Variants in CAMK4 observed in about 807,000 individuals in gnomAD.
CAMK4 encodes the protein calcium/calmodulin dependent protein kinase IV.
In CAMK4, 22 loss-of-function variants were observed where a neutral mutation model predicts 44.9. That is an observed-to-expected ratio of 0.49 (90% CI 0.35 to 0.70). The LOEUF (loss-of-function observed/expected upper bound fraction) is 0.70, where lower values mean the gene tolerates loss of function less well. Among genes scored for constraint, CAMK4 ranks in the 30% least tolerant of loss-of-function variants. CAMK4 has a pLI of 0.01. For missense variants in CAMK4, 498 were observed against 586.8 expected (o/e 0.85, Z 1.56); for synonymous variants, 218 against 215.4 (o/e 1.01, Z -0.11).
intron 1 of CAMK4, among the ~76,000 whole-genome samples, chr5:111,265,456 G>A (rs754693443): frequency 1.3e-5 from 2 of 152,020 alleles, no homozygotes; most frequent in African/African-American, 2.4e-5. Flanking sequence ...TAGCATATTC[G>A]CGGGTAGTCG....
At chr5:111,253,421 G>C (rs1038801824) in intron 1 of CAMK4, among the ~76,000 whole-genome samples, 5 of 152,160 alleles carry the variant, frequency 3.3e-5, no homozygotes, top group Non-Finnish European at 5.9e-5. Flanking sequence ...GGGTTGGGCT[G>C]TTCTGCTGCA....
intron 1 of CAMK4, among the ~76,000 whole-genome samples, chr5:111,262,159 G>T (rs1223100257): frequency 6.8e-6 from 1 of 146,220 alleles, no homozygotes; most frequent in Admixed American, 6.9e-5. Flanking sequence ...AAGAAAAATT[G>T]CACTAGACTA....
At chr5:111,223,692 A>G (rs985125473), upstream of CAMK4, 1 of 152,350 alleles carries the variant, frequency 6.6e-6, no homozygotes, top group Non-Finnish European at 1.5e-5. This position sits in a 1 kb window ranked among gnomAD's most constrained non-coding sequence, Gnocchi z 4.3. Flanking sequence ...TTCCAACTGA[A>G]GACTTCACTC....
At chr5:111,452,602 AATCT>A (rs759851781) in intron 7 of CAMK4, among the ~76,000 whole-genome samples, 40 of 152,296 alleles carry the variant, frequency 2.6e-4, no homozygotes, top group Non-Finnish European at 4.3e-4. Flanking sequence ...TCTATTCTTA[AATCT>A]ATCTACTTTT....
At position 111,230,777 on chromosome 5, in the gene CAMK4, G is replaced by A. The variant is rs189370114; in HGVS notation, c.161+6133G>A. ...GCCAAGTGAAGTGTTTCAACTACTA[G>A]TTATTTTTTGTTAATATTTTTTTTC... is the stretch of plus-strand genomic sequence containing the variant. On this transcript the variant is annotated intron_variant, in intron 1 of 10. Transcript: ENST00000282356. 2.0e-5 allele frequency among the ~76,000 whole-genome samples: 3 copies of A among 151,846 alleles called. No homozygotes were observed. In the East Asian group the frequency reaches 5.8e-4, roughly 29 times the overall value.
chr5:111,416,033 T>A (rs1170692131), intron 5 of CAMK4, among the ~76,000 whole-genome samples: 2 of 152,062 alleles, frequency 1.3e-5, no homozygotes, highest in Non-Finnish European at 2.9e-5. Flanking sequence ...TTGGAACCAA[T>A]CCCTCAGGGA....
intron 1 of CAMK4, among the ~76,000 whole-genome samples, chr5:111,273,686 T>TAC (rs1750618452): frequency 2.1e-5 from 1 of 48,250 alleles, no homozygotes; most frequent in Non-Finnish European, 3.6e-5. Context: ...TTTATATATA[T>TAC]ATATATATAT....
At chr5:111,396,616 C>CCATTAA (rs1257024092) in intron 5 of CAMK4, among the ~76,000 whole-genome samples, 2 of 140,112 alleles carry the variant, frequency 1.4e-5, no homozygotes, top group Middle Eastern at 3.8e-3. Flanking sequence ...ACTTTAATTG[C>CCATTAA]CATTAACTCA....
intron 1 of CAMK4, among the ~76,000 whole-genome samples, chr5:111,236,522 C>T (rs374860675): frequency 2.6e-5 from 4 of 152,254 alleles, no homozygotes; most frequent in South Asian, 4.1e-4. Context: ...GAGATTCAAG[C>T]CCTGGTTTGT....
At chr5:111,328,157 G>A (rs1366630207) in intron 1 of CAMK4, among the ~76,000 whole-genome samples, 1 of 147,810 alleles carries the variant, frequency 6.8e-6, no homozygotes, top group Non-Finnish European at 1.5e-5. Context: ...TAACATTTAA[G>A]TCTTTAATCC....
intron 5 of CAMK4, among the ~76,000 whole-genome samples, chr5:111,444,065 T>C (rs1753945115): frequency 6.6e-6 from 1 of 152,142 alleles, no homozygotes; most frequent in Admixed American, 6.6e-5. Flanking sequence ...TATCCTCCCC[T>C]CTTTTCCTTC....
intron 2 of CAMK4, among the ~76,000 whole-genome samples, chr5:111,367,518 C>T (rs59380506): frequency 0.016 from 2,461 of 151,984 alleles, 62 homozygotes; most frequent in African/African-American, 0.056. Context: ...TCTGATGGGC[C>T]ACCTTATATT....
At chr5:111,287,929 C>G (rs75358572) in intron 1 of CAMK4, among the ~76,000 whole-genome samples, 8,274 of 152,238 alleles carry the variant, frequency 0.054, 552 homozygotes, top group East Asian at 0.21. Flanking sequence ...CTCTGGCAGG[C>G]CTTCTCCTAA....
In CAMK4 at chr5:111,376,931, A is replaced by G. The variant is rs1396984312; in HGVS notation, c.375A>G (p.Glu125=). ...SLVLELVTGG[E]LFDRIVEKGY... is the part of the protein sequence containing the mutation. ...TCCTAGAACTCGTCACAGGAGGAGAACTGTTTGATAGGTGAGTTGGTTCTG... is the reference window on the plus strand; with the variant it reads ...TCCTAGAACTCGTCACAGGAGGAGAGCTGTTTGATAGGTGAGTTGGTTCTG... The change falls in exon 4 of 11, where the codon GAA becomes GAG. Residue 125 remains glutamate (E), a synonymous_variant. Transcript: ENST00000282356. The G allele has an allele frequency of 3.1e-6, 5 of 1,597,676 alleles. No individual in the cohort carries two copies. The African/African-American group carries it at 4.0e-5, about 13-fold the overall frequency.
chr5:111,299,935 C>T (rs1747650129), intron 1 of CAMK4, among the ~76,000 whole-genome samples: 1 of 152,198 alleles, frequency 6.6e-6, no homozygotes, highest in African/African-American at 2.4e-5. Flanking sequence ...TAAATGTCAC[C>T]TGTGGTGAGC....
chr5:111,428,294 A>G (rs982243299), intron 5 of CAMK4, among the ~76,000 whole-genome samples: 3 of 152,260 alleles, frequency 2.0e-5, no homozygotes, highest in Non-Finnish European at 2.9e-5. Flanking sequence ...TGACAACTAC[A>G]ATAAATACCC....
intron 1 of CAMK4, among the ~76,000 whole-genome samples, chr5:111,287,170 C>T (rs1751270998): frequency 6.6e-6 from 1 of 151,994 alleles, no homozygotes; most frequent in Non-Finnish European, 1.5e-5. Context: ...GAGAGAAAAC[C>T]ACTGCACTTT....
chr5:111,265,646 A>G (rs1054250644), intron 1 of CAMK4, among the ~76,000 whole-genome samples: 2 of 152,184 alleles, frequency 1.3e-5, no homozygotes, highest in African/African-American at 2.4e-5. Flanking sequence ...TATTTACCCA[A>G]TCTTCAAGGA....
intron 1 of CAMK4, among the ~76,000 whole-genome samples, chr5:111,273,298 A>AAT: frequency 6.6e-6 from 1 of 152,058 alleles, no homozygotes; most frequent in Non-Finnish European, 1.5e-5. Flanking sequence ...TAAATGCATA[A>AAT]ATATATATAA....
Sources: allele counts gnomAD v4.1 joint callset (sites outside exome capture counted in the v4.1 genomes callset), GRCh38; gene constraint gnomAD v4.1.1; non-coding constraint Gnocchi (gnomAD v3.1); transcripts MANE v1.5; gene names NCBI Gene and HGNC (gene_info 2026-07-23, HGNC 2026-07-21).